The following FXYD5 variants were observed in gnomAD, a reference collection of about 807,000 sequenced individuals.
The protein encoded by FXYD5 is FXYD domain containing ion transport regulator 5.
A neutral mutation model predicts 25.7 loss-of-function variants in FXYD5; 21 were observed. The ratio of observed to expected loss-of-function variants is 0.82; its 90% confidence interval spans 0.58 to 1.18. The LOEUF (loss-of-function observed/expected upper bound fraction) is 1.18. Ranked by LOEUF, FXYD5 falls within the 50% of genes most tolerant of loss-of-function variation. FXYD5 has a pLI of 0.00. For missense variants in FXYD5, 229 were observed against 227.7 expected, an observed-to-expected ratio of 1.01 and a Z score of -0.04; for synonymous variants, 101 against 90.7, an observed-to-expected ratio of 1.11 and a Z score of -0.64.
At chr19:35,164,756 T>C (rs1005427208) in intron 6 of FXYD5, among the ~76,000 whole-genome samples, 3 of 152,186 alleles carry the variant, frequency 2.0e-5, no homozygotes, top group Non-Finnish European at 4.4e-5. Flanking sequence ...TGAGTACTTG[T>C]GTGCTAGGCT....
chr19:35,155,526 A>G (rs1443711737), intron 1 of FXYD5, 25 bp from the exon 2 acceptor site: 2 of 1,600,940 alleles, frequency 1.2e-6, no homozygotes, highest in Non-Finnish European at 8.5e-7. Context: ...ATCATGGCTG[A>G]CCCCAGCATC....
intron 6 of FXYD5, among the ~76,000 whole-genome samples, chr19:35,165,430 G>C (rs2065442168): frequency 6.6e-6 from 1 of 152,190 alleles, no homozygotes; most frequent in Non-Finnish European, 1.5e-5. Context: ...GTGCTGGTAG[G>C]AGTGCCTTTT....
intron 2 of FXYD5, among the ~76,000 whole-genome samples, chr19:35,157,180 G>A (rs1233279263): frequency 6.6e-6 from 1 of 152,124 alleles, no homozygotes. Flanking sequence ...TAGCACCTGG[G>A]CTCACTAGAC....
chr19:35,164,125 C>A, intron 5 of FXYD5, 31 bp from the exon 6 acceptor site: 1 of 1,613,754 alleles, frequency 6.2e-7, no homozygotes, highest in Non-Finnish European at 8.5e-7. Context: ...TGGCTCACTC[C>A]TGCCCTCCAC....
intron 2 of FXYD5, 53 bp downstream of exon 2, chr19:35,155,664 C>A: frequency 7.5e-7 from 1 of 1,333,826 alleles, no homozygotes; most frequent in South Asian, 1.2e-5. Flanking sequence ...GCCAGGCCAG[C>A]CCCACGTGTG....
chr19:35,164,328 A>C, intron 6 of FXYD5, 83 bp downstream of exon 6: 4 of 1,360,348 alleles, frequency 2.9e-6, no homozygotes, highest in Non-Finnish European at 4.0e-6. Flanking sequence ...AGCCCAGCAC[A>C]GAATAGTTCT....
intron 6 of FXYD5, among the ~76,000 whole-genome samples, 197 bp downstream of exon 6, chr19:35,164,442 A>T (rs73044017): frequency 6.6e-6 from 1 of 152,210 alleles, no homozygotes; most frequent in East Asian, 1.9e-4. Flanking sequence ...ATTGCTGCAT[A>T]CAAACCACCT....
rs1198734078 is a variant in FXYD5 at position 35,160,591 on chromosome 19, C to T, written c.200-118C>T. 4 of 700,924 alleles carry T rather than the reference C, an allele frequency of 5.7e-6. No homozygotes were observed. The Admixed American group carries it at 6.0e-5, about 11-fold the overall frequency. The allele number at this position is 700,924 out of a possible 1,614,324, so 43.4% of individuals were successfully genotyped here. On this transcript the variant is annotated intron_variant, in intron 4 of 8. Coordinates refer to ENST00000392219, the MANE Select transcript of FXYD5 (RefSeq NM_014164.6). ...GAACTCCCGACCTAAGGTAATCTGCCCGCCTCGGCCTCCCAAAGTGCTGGG... is the reference window on the plus strand; with the variant it reads ...GAACTCCCGACCTAAGGTAATCTGCTCGCCTCGGCCTCCCAAAGTGCTGGG...
intron 4 of FXYD5, among the ~76,000 whole-genome samples, chr19:35,160,363 T>C (rs1380286029): frequency 6.6e-6 from 1 of 152,158 alleles, no homozygotes; most frequent in Non-Finnish European, 1.5e-5. Flanking sequence ...CTTAGGTTTT[T>C]TCTGAGATGG....
chr19:35,162,288 C>T (rs2065413287), intron 5 of FXYD5, among the ~76,000 whole-genome samples: 1 of 152,194 alleles, frequency 6.6e-6, no homozygotes, highest in Admixed American at 6.5e-5. Flanking sequence ...TCTCTTCCAC[C>T]TAGGAAGGAA....
intron 2 of FXYD5, among the ~76,000 whole-genome samples, chr19:35,156,085 T>C (rs1209262317): frequency 6.6e-6 from 1 of 152,232 alleles, no homozygotes; most frequent in African/African-American, 2.4e-5. Flanking sequence ...TCTTTCTGTG[T>C]GGCAGGTGTG....
intron 5 of FXYD5, among the ~76,000 whole-genome samples, chr19:35,162,225 T>C (rs1260491448): frequency 6.6e-6 from 1 of 152,218 alleles, no homozygotes; most frequent in African/African-American, 2.4e-5. Context: ...CTGGGTTGCC[T>C]AGAGGCTGGG....
chr19:35,162,163 G>C (rs1362841270), intron 5 of FXYD5, among the ~76,000 whole-genome samples: 1 of 152,142 alleles, frequency 6.6e-6, no homozygotes, highest in African/African-American at 2.4e-5. Flanking sequence ...CATGTTCCTG[G>C]ATATATGTGA....
intron 2 of FXYD5, among the ~76,000 whole-genome samples, 161 bp from the exon 3 acceptor site, chr19:35,157,260 C>T (rs1366164227): frequency 6.6e-6 from 1 of 152,108 alleles, no homozygotes; most frequent in Admixed American, 6.5e-5. Flanking sequence ...CAGGCATTGG[C>T]ATAGCTGAAA....
intron 5 of FXYD5, among the ~76,000 whole-genome samples, chr19:35,162,668 G>T: frequency 6.6e-6 from 1 of 152,036 alleles, no homozygotes; most frequent in Non-Finnish European, 1.5e-5. Context: ...AAAGGCCCTC[G>T]CTCCAAAATA....
At chr19:35,169,238 G>C (rs548137327) in intron 8 of FXYD5, among the ~76,000 whole-genome samples, 2 of 152,196 alleles carry the variant, frequency 1.3e-5, no homozygotes, top group East Asian at 3.9e-4. Context: ...TCTCCTTGTT[G>C]GTCTTTCCCC....
intron 8 of FXYD5, among the ~76,000 whole-genome samples, chr19:35,167,314 T>C (rs938008759): frequency 1.3e-5 from 2 of 152,258 alleles, no homozygotes; most frequent in Admixed American, 1.3e-4. Context: ...GCAGGAGGCC[T>C]GGTGAGAGAT....
intron 5 of FXYD5, among the ~76,000 whole-genome samples, chr19:35,163,407 T>TTC (rs1248735239): frequency 1.4e-5 from 2 of 138,456 alleles, no homozygotes; most frequent in East Asian, 4.6e-4. Flanking sequence ...AGGTACTGAT[T>TTC]TTTTTTTTTT....
chr19:35,165,280 G>A (rs1688008), intron 6 of FXYD5, among the ~76,000 whole-genome samples: 127,407 of 152,222 alleles, frequency 0.84, 53,716 homozygotes, highest in African/African-American at 0.95. Flanking sequence ...TTGTTTCTTC[G>A]TTATATGCTA....
Sources: gnomAD v4.1 joint callset for allele counts (sites outside exome capture counted in the v4.1 genomes callset) on GRCh38, gnomAD v4.1.1 for gene constraint, MANE v1.5 for transcripts, NCBI Gene and HGNC (gene_info 2026-07-23, HGNC 2026-07-21) for gene names.